Variants in MCTP2 observed in about 807,000 individuals in gnomAD.
MCTP2 encodes multiple C2 and transmembrane domain containing 2.
MCTP2 carries 132 observed loss-of-function variants against 111.6 expected under a neutral mutation model. The observed-to-expected ratio is 1.18, with a 90% CI of 1.03 to 1.37. The LOEUF (loss-of-function observed/expected upper bound fraction) is 1.37. Among genes scored for constraint, MCTP2 ranks in the 40% most tolerant of loss-of-function variants. The pLI, the probability that MCTP2 is intolerant of heterozygous loss-of-function variation, is 0.00. For synonymous variants in MCTP2, 395 were observed against 387.7 expected, an observed-to-expected ratio of 1.02 and a Z score of -0.22; for missense variants, 1,183 against 1,067.9, an observed-to-expected ratio of 1.11 and a Z score of -1.50.
chr15:94,305,612 T>C lies in MCTP2; in HGVS notation c.465+6882T>C, dbSNP rs2075842708. 1.3e-5 allele frequency among the ~76,000 whole-genome samples: 2 copies of C among 152,160 alleles called. 1 individual carries two copies. Among genetic ancestry groups the C allele is most frequent in the South Asian group, 4.1e-4 (2 of 4,828 alleles). On this transcript the variant is annotated intron_variant, in intron 2 of 22. Transcript: ENST00000357742. ...AGCTCTTGAAGAGTAGAAATGTCATTTTTCTTCTTCTCCCGGCCTTTCTGC... is the reference window on the plus strand; with the variant it reads ...AGCTCTTGAAGAGTAGAAATGTCATCTTTCTTCTTCTCCCGGCCTTTCTGC...
chr15:94,362,170 TTAGA>T (rs1213416214), intron 10 of MCTP2, among the ~76,000 whole-genome samples: 1 of 152,118 alleles, frequency 6.6e-6, no homozygotes, highest in Non-Finnish European at 1.5e-5. Flanking sequence ...GCATCTGATC[TTAGA>T]TAGAAACAGT....
intron 2 of MCTP2, 32 bp downstream of exon 2, chr15:94,298,762 GTCTCTCTC>G (rs752096854): frequency 2.7e-5 from 34 of 1,276,996 alleles, no homozygotes; most frequent in Middle Eastern, 2.3e-4. Context: ...CTTTTTTTTT[GTCTCTCTC>G]TCTCTCTCTC....
chr15:94,318,145 A>G (rs1290518771), intron 4 of MCTP2, among the ~76,000 whole-genome samples: 1 of 152,102 alleles, frequency 6.6e-6, no homozygotes, highest in Non-Finnish European at 1.5e-5. Flanking sequence ...TATCAAATTC[A>G]TTTTGTAACC....
At chr15:94,369,405 G>A (rs760053185) in intron 11 of MCTP2, among the ~76,000 whole-genome samples, 6 of 152,036 alleles carry the variant, frequency 3.9e-5, no homozygotes, top group Non-Finnish European at 5.9e-5. Flanking sequence ...TTTATCTGCC[G>A]GCCTCTTTCA....
chr15:94,425,862 T>C lies in MCTP2; in HGVS notation c.2086-14314T>C, dbSNP rs1342393576. ...ACTAAATCCATTAAATAATTGCATC[T>C]ATAATTTAATATCATCCCAGAAAGC... On this transcript the variant is annotated intron_variant, in intron 17 of 22. Transcript: ENST00000357742. 3.3e-5 allele frequency among the ~76,000 whole-genome samples: 5 copies of C among 152,138 alleles called. No homozygotes were observed. The East Asian group carries it at 7.7e-4, about 23-fold the overall frequency.
intron 1 of MCTP2, among the ~76,000 whole-genome samples, chr15:94,296,860 T>C (rs1323779157): frequency 6.6e-6 from 1 of 152,162 alleles, no homozygotes; most frequent in African/African-American, 2.4e-5. Context: ...ACCAAGTTCA[T>C]CCTGGGAGAA....
Position 94,298,453 on chromosome 15 carries a change from C to CA in MCTP2, c.189dup (p.Glu64ArgfsTer31), listed in dbSNP as rs768835934. On this transcript the variant is annotated frameshift_variant, in exon 2 of 23. Coordinates refer to ENST00000357742, the MANE Select transcript of MCTP2 (RefSeq NM_001385001.1). LOFTEE classifies it high-confidence loss of function. ...CTCCTGGAGGCTGAGGCCTTGGCCC[C>CA]AGAGGGCCGGCCTTACTCCGGGCCA... The CA allele has an allele frequency of 6.8e-6, 11 of 1,614,164 alleles. No homozygotes were observed. The South Asian group carries it at 1.2e-4, about 18-fold the overall frequency.
chr15:94,404,723 G>A (rs2081811943), intron 17 of MCTP2, among the ~76,000 whole-genome samples: 1 of 151,830 alleles, frequency 6.6e-6, no homozygotes, highest in Non-Finnish European at 1.5e-5. Flanking sequence ...GTCTGTAGGG[G>A]ACTGGATTGG....
intron 1 of MCTP2, among the ~76,000 whole-genome samples, chr15:94,235,122 G>C (rs1156363579): frequency 6.6e-6 from 1 of 152,154 alleles, no homozygotes; most frequent in Non-Finnish European, 1.5e-5. Flanking sequence ...TGTGGTGGCA[G>C]TGCCTATAAT....
intron 12 of MCTP2, among the ~76,000 whole-genome samples, chr15:94,375,725 C>G (rs2079735019): frequency 1.3e-5 from 2 of 152,132 alleles, no homozygotes; most frequent in Admixed American, 1.3e-4. Flanking sequence ...AGCATAATCT[C>G]AAAATATCTA....
intron 17 of MCTP2, among the ~76,000 whole-genome samples, chr15:94,429,055 T>C (rs1783652552): frequency 6.6e-6 from 1 of 152,170 alleles, no homozygotes; most frequent in Admixed American, 6.5e-5. Flanking sequence ...CTTTTCCTCA[T>C]CCTCACTCTC....
intron 8 of MCTP2, among the ~76,000 whole-genome samples, chr15:94,354,748 G>A (rs189098120): frequency 1.5e-3 from 229 of 152,246 alleles, no homozygotes; most frequent in Non-Finnish European, 2.5e-3. Context: ...GCATTGTTGC[G>A]TCACTTATTA....
intron 1 of MCTP2, among the ~76,000 whole-genome samples, chr15:94,278,735 CT>C (rs2152310189): frequency 6.6e-6 from 1 of 151,626 alleles, no homozygotes; most frequent in Admixed American, 6.6e-5. Flanking sequence ...TCCCTCTACC[CT>C]CAAGTAGGCC....
chr15:94,237,974 G>A (rs896198557), intron 1 of MCTP2, among the ~76,000 whole-genome samples: 6 of 151,268 alleles, frequency 4.0e-5, no homozygotes, highest in African/African-American at 7.3e-5. Flanking sequence ...CCCCCGCCCC[G>A]CGCACTTTGA....
At chr15:94,293,752 A>G (rs1199553218) in intron 1 of MCTP2, among the ~76,000 whole-genome samples, 2 of 152,204 alleles carry the variant, frequency 1.3e-5, no homozygotes, top group Admixed American at 6.5e-5. Flanking sequence ...GAATTCTCAT[A>G]ATTGTTGGCG....
chr15:94,402,608 T>G (rs1229925295), intron 17 of MCTP2: 22 of 1,550,792 alleles, frequency 1.4e-5, no homozygotes, highest in Non-Finnish European at 1.7e-5. Flanking sequence ...TAAAACCACC[T>G]AAGTCTACCA....
chr15:94,310,814 C>T (rs984738418), intron 2 of MCTP2, among the ~76,000 whole-genome samples: 2 of 151,528 alleles, frequency 1.3e-5, no homozygotes, highest in Non-Finnish European at 2.9e-5. Flanking sequence ...ATGGTGTGCA[C>T]TTGTAATCTC....
intron 8 of MCTP2, among the ~76,000 whole-genome samples, chr15:94,350,249 G>A (rs1291332801): frequency 6.6e-6 from 1 of 152,204 alleles, no homozygotes; most frequent in Non-Finnish European, 1.5e-5. Flanking sequence ...GAGGTAGGCT[G>A]GGATTAAGGT....
intron 1 of MCTP2, among the ~76,000 whole-genome samples, chr15:94,239,641 G>A (rs1456296479): frequency 6.6e-6 from 1 of 152,202 alleles, no homozygotes; most frequent in African/African-American, 2.4e-5. Context: ...GTTGCCTTCA[G>A]CATTTTAGGC....
Sources: allele counts gnomAD v4.1 joint callset (sites outside exome capture counted in the v4.1 genomes callset), GRCh38; gene constraint gnomAD v4.1.1; transcripts MANE v1.5; gene names NCBI Gene and HGNC (gene_info 2026-07-23, HGNC 2026-07-21).